CTNNA3: variants seen among roughly 807,000 people sequenced by gnomAD.
CTNNA3 encodes catenin alpha-3.
Under a neutral mutation model 95.7 loss-of-function variants are expected in CTNNA3, and 76 were observed. The observed-to-expected ratio is 0.79, with a 90% confidence interval of 0.66 to 0.96. CTNNA3 has a LOEUF of 0.96. CTNNA3 is among the 40% of genes least tolerant of loss of function. The probability of loss-of-function intolerance (pLI) is 0.00; values close to 1 mark genes in which losing one functional copy is unlikely to be tolerated. For synonymous variants in CTNNA3, 431 were observed against 374.4 expected (o/e 1.15, Z -1.74); for missense variants, 1,191 against 1,089.8 (o/e 1.09, Z -1.31).
At chr10:66,562,572 C>G (rs771297463) in intron 10 of CTNNA3, among the ~76,000 whole-genome samples, 5 of 151,994 alleles carry the variant, frequency 3.3e-5, no homozygotes, top group African/African-American at 1.2e-4. Context: ...TTACTATCCT[C>G]GATTACTCAA....
At chr10:67,004,826 A>G (rs193097365) in intron 7 of CTNNA3, among the ~76,000 whole-genome samples, 276 of 152,288 alleles carry the variant, frequency 1.8e-3, no homozygotes, top group African/African-American at 6.1e-3. Context: ...GCTTTGTTTA[A>G]ACATATACAA....
At chr10:67,233,806 G>A (rs1353075451) in intron 5 of CTNNA3, among the ~76,000 whole-genome samples, 4 of 151,896 alleles carry the variant, frequency 2.6e-5, no homozygotes, top group South Asian at 2.1e-4. Context: ...TCAAATAGAT[G>A]CAATAAAAAA....
intron 11 of CTNNA3, among the ~76,000 whole-genome samples, chr10:66,500,049 C>T (rs2131961531): frequency 6.6e-6 from 1 of 152,146 alleles, no homozygotes; most frequent in Non-Finnish European, 1.5e-5. Flanking sequence ...GATCCACCTG[C>T]CTCGGCCTCC....
At chr10:66,426,836 T>C (rs1296789070) in intron 11 of CTNNA3, among the ~76,000 whole-genome samples, 1 of 151,968 alleles carries the variant, frequency 6.6e-6, no homozygotes, top group African/African-American at 2.4e-5. Flanking sequence ...GCTTATTCTT[T>C]GTGGGATTCC....
At chr10:66,981,141 T>C (rs1850414345) in intron 7 of CTNNA3, among the ~76,000 whole-genome samples, 2 of 152,196 alleles carry the variant, frequency 1.3e-5, no homozygotes, top group South Asian at 4.1e-4. Context: ...TAACCTCATG[T>C]GATCCACCTA....
chr10:65,979,298 G>T (rs991336468), intron 16 of CTNNA3, among the ~76,000 whole-genome samples: 6 of 152,112 alleles, frequency 3.9e-5, no homozygotes, highest in African/African-American at 1.4e-4. Context: ...TAGATGTAAA[G>T]TTATGACTCA....
Position 67,206,823 on chromosome 10 carries a change from A to G in CTNNA3, c.843+12784T>C, listed in dbSNP as rs577930547. Among the ~76,000 whole-genome samples, 41 of 152,100 alleles carry G rather than the reference A, an allele frequency of 2.7e-4. 1 individual carries two copies. The highest frequency in any genetic ancestry group is 5.1e-4 in the Non-Finnish European group (35 of 67,978). ...AAGTAATTAAAGGGGAGAACAATCA[A>G]GCCAATATCCCATAAAAACTAAAAC... On this transcript the variant is annotated intron_variant, in intron 6 of 17. Transcript: ENST00000433211.
chr10:67,061,712 A>T lies in CTNNA3; in HGVS notation c.1047+118605T>A, dbSNP rs1855766670. ...GATGAAAGAGAAACGATATTTCAGC[A>T]GTTGTGTGCATATTCTAATATGTAT... On this transcript the variant is annotated intron_variant, in intron 7 of 17. Transcript: ENST00000433211. Among the ~76,000 whole-genome samples, 3 of 152,350 alleles carry T rather than the reference A, an allele frequency of 2.0e-5. No homozygotes were observed. In the South Asian group the frequency reaches 6.2e-4, roughly 32 times the overall value.
intron 1 of CTNNA3, among the ~76,000 whole-genome samples, chr10:67,664,549 C>A (rs1483637435): frequency 6.6e-6 from 1 of 152,148 alleles, no homozygotes; most frequent in Non-Finnish European, 1.5e-5. Flanking sequence ...CCAGAGTTAT[C>A]ATTGAGAATT....
At chr10:67,309,200 C>G (rs1249003797) in intron 5 of CTNNA3, among the ~76,000 whole-genome samples, 1 of 152,060 alleles carries the variant, frequency 6.6e-6, no homozygotes, top group Non-Finnish European at 1.5e-5. Flanking sequence ...CTCTCACTTC[C>G]TTTATTGTGA....
At chr10:67,577,722 G>A (rs35147442) in intron 3 of CTNNA3, among the ~76,000 whole-genome samples, 18,207 of 146,718 alleles carry the variant, frequency 0.12, 1,912 homozygotes, top group African/African-American at 0.3. Flanking sequence ...GTGTGTGTGT[G>A]TATATATACT....
chr10:67,372,075 G>GT (rs534140911), intron 5 of CTNNA3, among the ~76,000 whole-genome samples: 127 of 148,686 alleles, frequency 8.5e-4, no homozygotes, highest in Middle Eastern at 3.6e-3. Context: ...CTGATGGGTT[G>GT]TTTTTTTTTT....
At chr10:66,481,428 C>T (rs1839521070) in intron 11 of CTNNA3, among the ~76,000 whole-genome samples, 2 of 144,640 alleles carry the variant, frequency 1.4e-5, no homozygotes, top group South Asian at 4.6e-4. Flanking sequence ...ATTGGGTATA[C>T]AGAAACAAAG....
At position 67,666,590 on chromosome 10, in the gene CTNNA3, A is replaced by C. The variant is rs148434781; in HGVS notation, c.-5-19072T>G. On this transcript the variant is annotated intron_variant, in intron 1 of 17. Transcript: ENST00000433211. ...TTAAAAACAAACAAACAAAAAAGCC[A>C]AGTCACTCATTTTTAAACACAATTC... Among the ~76,000 whole-genome samples, 737 of 152,272 alleles carry C rather than the reference A, an allele frequency of 4.8e-3. 3 individuals are homozygous for C. Among genetic ancestry groups the C allele is most frequent in the Non-Finnish European group, 6.9e-3 (470 of 67,998 alleles).
In CTNNA3 at chr10:66,270,226, G is replaced by T. The variant is rs879685368; in HGVS notation, c.1884+10244C>A. 8.4e-3 allele frequency among the ~76,000 whole-genome samples: 956 copies of T among 114,378 alleles called. 4 individuals carry two copies. The highest frequency in any genetic ancestry group is 0.024 in the African/African-American group (766 of 32,120). The allele number at this position is 114,378 out of a possible 152,430, so 75.0% of individuals were successfully genotyped here. A position where few individuals can be genotyped will look rare whatever the true frequency, so the allele number is the denominator to read the frequency against. On this transcript the variant is annotated intron_variant, in intron 13 of 17. Coordinates refer to ENST00000433211, the MANE Select transcript of CTNNA3 (RefSeq NM_013266.4). ...ATGCAGAACACTATAACATTTTTTG[G>T]GGGGGGGGGCAGGGTCTCACTTTGT...
At chr10:67,042,985 G>A (rs1384525244) in intron 7 of CTNNA3, among the ~76,000 whole-genome samples, 2 of 152,214 alleles carry the variant, frequency 1.3e-5, no homozygotes, top group South Asian at 2.1e-4. Context: ...CCATACCTGA[G>A]GAATCAGCAA....
At chr10:66,471,498 A>C (rs1053234928) in intron 11 of CTNNA3, among the ~76,000 whole-genome samples, 1 of 151,850 alleles carries the variant, frequency 6.6e-6, no homozygotes, top group Admixed American at 6.6e-5. Context: ...ATTTTCCATT[A>C]ATTTTCCATG....
chr10:67,379,945 C>T (rs959343096), intron 5 of CTNNA3, among the ~76,000 whole-genome samples: 1 of 147,932 alleles, frequency 6.8e-6, no homozygotes, highest in Non-Finnish European at 1.5e-5. Context: ...GGTGTGAACC[C>T]GGGAGGCGGA....
intron 10 of CTNNA3, among the ~76,000 whole-genome samples, chr10:66,527,422 G>A (rs1841307727): frequency 2.0e-5 from 3 of 152,088 alleles, no homozygotes; most frequent in Admixed American, 2.0e-4. Flanking sequence ...AATTGAGGAT[G>A]TGTTTTTTTC....
Sources: allele counts gnomAD v4.1 joint callset (sites outside exome capture counted in the v4.1 genomes callset), GRCh38; gene constraint gnomAD v4.1.1; transcripts MANE v1.5; gene names NCBI Gene and HGNC (gene_info 2026-07-23, HGNC 2026-07-21).